Variants in PRKCA observed in about 807,000 individuals in gnomAD.
PRKCA encodes the protein protein kinase C alpha.
A neutral mutation model predicts 87.0 loss-of-function variants in PRKCA; 27 were observed. The ratio of observed to expected loss-of-function variants is 0.31; its 90% CI spans 0.23 to 0.43. The LOEUF (loss-of-function observed/expected upper bound fraction) is 0.43, where lower values mean the gene tolerates loss of function less well. Ranked by LOEUF, PRKCA falls within the 20% of genes least tolerant of loss-of-function variation. The pLI, the probability that PRKCA is intolerant of heterozygous loss-of-function variation, is 1.00. For missense variants in PRKCA, 518 were observed against 852.3 expected (o/e 0.61, Z 4.88); for synonymous variants, 329 against 311.1 (o/e 1.06, Z -0.61).
intron 13 of PRKCA, among the ~76,000 whole-genome samples, chr17:66,762,185 A>G (rs1974701120): frequency 6.6e-6 from 1 of 152,204 alleles, no homozygotes; most frequent in South Asian, 2.1e-4. Context: ...TTGAGTGTTT[A>G]ACATATACCA....
intron 8 of PRKCA, among the ~76,000 whole-genome samples, chr17:66,694,559 T>C (rs143488826): frequency 6.6e-6 from 1 of 151,768 alleles, no homozygotes; most frequent in Non-Finnish European, 1.5e-5. Flanking sequence ...TCATAATGAT[T>C]GTTGCAGCTA....
intron 13 of PRKCA, among the ~76,000 whole-genome samples, chr17:66,760,109 T>C (rs1438563241): frequency 6.6e-6 from 1 of 152,238 alleles, no homozygotes. Context: ...ATAACATACA[T>C]TCTTCACAAG....
intron 5 of PRKCA, among the ~76,000 whole-genome samples, chr17:66,659,179 G>A (rs1331017178): frequency 1.3e-5 from 2 of 152,068 alleles, no homozygotes; most frequent in South Asian, 2.1e-4. Flanking sequence ...GTGCCAATAA[G>A]TGTGCCCCTT....
rs115976907 is a variant in PRKCA at position 66,606,335 on chromosome 17, T to C, written c.289-35020T>C. On this transcript the variant is annotated intron_variant, in intron 3 of 16. Transcript: ENST00000413366. ...CCCGTGAAGCAGAGATTGCATGCAGTGAGCTAAAATTGCACCACTGCACTT... is the reference window on the plus strand; with the variant it reads ...CCCGTGAAGCAGAGATTGCATGCAGCGAGCTAAAATTGCACCACTGCACTT... 3.5e-3 allele frequency among the ~76,000 whole-genome samples: 535 copies of C among 152,300 alleles called. 2 individuals are homozygous for C. The highest frequency in any genetic ancestry group is 0.012 in the African/African-American group (506 of 41,564).
At chr17:66,781,891 T>TATATATATATATA (rs1568030798) in intron 14 of PRKCA, among the ~76,000 whole-genome samples, 15 of 135,520 alleles carry the variant, frequency 1.1e-4, no homozygotes, top group African/African-American at 1.8e-4. Flanking sequence ...ATATATAGTG[T>TATATATATATATA]GTGTGTGTGT....
chr17:66,528,619 G>A (rs1048841571), intron 3 of PRKCA, among the ~76,000 whole-genome samples: 9 of 152,104 alleles, frequency 5.9e-5, no homozygotes, highest in African/African-American at 2.2e-4. Flanking sequence ...AGGGGCCCCC[G>A]GAACTCTGCG....
intron 2 of PRKCA, among the ~76,000 whole-genome samples, chr17:66,383,008 G>C (rs1909853950): frequency 6.6e-6 from 1 of 152,148 alleles, no homozygotes; most frequent in Non-Finnish European, 1.5e-5. Context: ...ATACGTAACT[G>C]TGTACTTAGT....
At chr17:66,698,530 A>G (rs1309618952) in intron 8 of PRKCA, among the ~76,000 whole-genome samples, 2 of 152,210 alleles carry the variant, frequency 1.3e-5, no homozygotes, top group African/African-American at 4.8e-5. Flanking sequence ...AAGACAGCTC[A>G]TTTATAATTA....
chr17:66,522,835 G>T (rs1209511804), intron 3 of PRKCA, among the ~76,000 whole-genome samples: 3 of 151,378 alleles, frequency 2.0e-5, no homozygotes, highest in Non-Finnish European at 1.5e-5. Context: ...AAGAAGCCAG[G>T]CCCCAAAGGA....
intron 2 of PRKCA, among the ~76,000 whole-genome samples, chr17:66,467,353 T>C (rs1259578787): frequency 4.6e-5 from 7 of 152,184 alleles, no homozygotes; most frequent in Non-Finnish European, 8.8e-5. Context: ...TTACTATACA[T>C]AATGTGCTAT....
chr17:66,671,614 C>T (rs371244853), intron 5 of PRKCA, among the ~76,000 whole-genome samples: 2 of 148,866 alleles, frequency 1.3e-5, no homozygotes, highest in Non-Finnish European at 3.0e-5. Flanking sequence ...ATGAATGAGA[C>T]CTACACGTAA....
In PRKCA at chr17:66,653,791, TA is replaced by T. The variant is rs550316151; in HGVS notation, c.529+8298del. ...CTATTTCCTGCAAGTTTCCAGCTCTTAAAAAAAAAAAAAAAAAACAAAACCA... is the reference window on the plus strand; with the variant it reads ...CTATTTCCTGCAAGTTTCCAGCTCTTAAAAAAAAAAAAAAAAACAAAACCA... On this transcript the variant is annotated intron_variant, in intron 5 of 16. Transcript: ENST00000413366. 6.6e-3 allele frequency among the ~76,000 whole-genome samples: 673 copies of T among 102,490 alleles called. 5 individuals carry two copies. The highest frequency in any genetic ancestry group is 0.03 in the Middle Eastern group (5 of 164). 67.2% of individuals were successfully genotyped at this position (102,490 alleles called of 152,430 possible).
intron 3 of PRKCA, among the ~76,000 whole-genome samples, chr17:66,632,365 TTTTGTTTTTTGTTTG>T (rs1971041634): frequency 6.6e-6 from 1 of 151,904 alleles, no homozygotes; most frequent in Admixed American, 6.6e-5. Flanking sequence ...GGAGGGGGCT[TTTTGTTTTTTGTTTG>T]TTTGTTTTTT....
intron 14 of PRKCA, among the ~76,000 whole-genome samples, chr17:66,786,032 G>A (rs1382945991): frequency 2.0e-5 from 3 of 152,138 alleles, no homozygotes; most frequent in Non-Finnish European, 4.4e-5. Flanking sequence ...GTTTCACCAT[G>A]TTAGCCAGGA....
chr17:66,477,229 G>A (rs923080998), intron 2 of PRKCA, among the ~76,000 whole-genome samples: 1 of 151,954 alleles, frequency 6.6e-6, no homozygotes, highest in Non-Finnish European at 1.5e-5. Flanking sequence ...AACTTCAAAA[G>A]GAATAAAAAT....
chr17:66,453,806 A>G (rs1156766062), intron 2 of PRKCA, among the ~76,000 whole-genome samples: 1 of 152,210 alleles, frequency 6.6e-6, no homozygotes, highest in Admixed American at 6.5e-5. Context: ...GTAAACACGC[A>G]GATATTTTTT....
intron 3 of PRKCA, among the ~76,000 whole-genome samples, chr17:66,611,148 T>C (rs1970351531): frequency 6.6e-6 from 1 of 152,202 alleles, no homozygotes; most frequent in African/African-American, 2.4e-5. Flanking sequence ...TATTTCTTAT[T>C]ATATCCCAGT....
chr17:66,781,638 A>C (rs1433232019), intron 14 of PRKCA, among the ~76,000 whole-genome samples: 1 of 152,108 alleles, frequency 6.6e-6, no homozygotes, highest in African/African-American at 2.4e-5. Context: ...TGAGATGCCT[A>C]GAGTAGTCAA....
At chr17:66,595,176 T>A (rs957893575) in intron 3 of PRKCA, among the ~76,000 whole-genome samples, 2 of 152,160 alleles carry the variant, frequency 1.3e-5, no homozygotes, top group African/African-American at 2.4e-5. Context: ...TCTTCTTTTT[T>A]AAAAAATTAT....
Sources: allele counts gnomAD v4.1 joint callset (sites outside exome capture counted in the v4.1 genomes callset), GRCh38; gene constraint gnomAD v4.1.1; transcripts MANE v1.5; gene names NCBI Gene and HGNC (gene_info 2026-07-23, HGNC 2026-07-21).